DUSP8: variants seen among roughly 807,000 people sequenced by gnomAD.
DUSP8 encodes the protein dual specificity phosphatase 8.
A neutral mutation model predicts 38.7 loss-of-function variants in DUSP8; 15 were observed. The ratio of observed to expected loss-of-function variants is 0.39; its 90% confidence interval spans 0.26 to 0.60. DUSP8 has a LOEUF of 0.60. DUSP8 is among the 20% of genes least tolerant of loss of function. DUSP8 has a pLI of 0.56. For missense variants in DUSP8, 768 were observed against 915.0 expected, an observed-to-expected ratio of 0.84 and a Z score of 2.07; for synonymous variants, 458 against 433.9, an observed-to-expected ratio of 1.06 and a Z score of -0.69.
chr11:1,559,707 G>A (rs562141798), intron 3 of DUSP8, among the ~76,000 whole-genome samples: 86 of 152,354 alleles, frequency 5.6e-4, no homozygotes, highest in Non-Finnish European at 9.8e-4. Context: ...AGGGGAGGAC[G>A]GAGAGTGGAG....
Position 1,556,392 on chromosome 11 carries a change from A to C in DUSP8, c.*126T>G. The C allele has an allele frequency of 8.4e-7, 1 of 1,195,872 alleles. No homozygotes were observed. The highest frequency in any genetic ancestry group is 1.0e-6 in the Non-Finnish European group (1 of 956,148). 74.1% of individuals were successfully genotyped at this position (1,195,872 alleles called of 1,614,324 possible). On this transcript the variant is annotated 3_prime_UTR_variant, in exon 7 of 7. Transcript: ENST00000397374. This position sits in a 1 kb window ranked among gnomAD's most constrained non-coding sequence, Gnocchi z 5.2. ...CCAGAATGAACAGCTTAAATAAATA[A>C]AAAATCGAAATATTTACTTCTCGAT...
chr11:1,566,510 G>A (rs1167001823), intron 1 of DUSP8, among the ~76,000 whole-genome samples: 1 of 152,160 alleles, frequency 6.6e-6, no homozygotes, highest in East Asian at 1.9e-4. Context: ...ACTGGAGAGT[G>A]GGCTCCCGGG....
rs1340297061 is a variant in DUSP8 at position 1,556,452 on chromosome 11, A to G, written c.*66T>C. 2.4e-6 allele frequency: 3 copies of G among 1,230,268 alleles called. No individual in the cohort carries two copies. Among genetic ancestry groups the G allele is most frequent in the Non-Finnish European group, 3.0e-6 (3 of 986,838 alleles). 76.2% of individuals were successfully genotyped at this position (1,230,268 alleles called of 1,614,324 possible). A position where few individuals can be genotyped will look rare whatever the true frequency, so the allele number is the denominator to read the frequency against. On this transcript the variant is annotated 3_prime_UTR_variant, in exon 7 of 7. Transcript: ENST00000397374. This position sits in a 1 kb window ranked among gnomAD's most constrained non-coding sequence, Gnocchi z 5.2. Reference sequence around the variant, plus strand: ...AGTAAAACCATTTACCTTTCTTTGCATTATATATAATATACATTTATAACG... The same window carrying G: ...AGTAAAACCATTTACCTTTCTTTGCGTTATATATAATATACATTTATAACG...
rs758673098 is a variant in DUSP8, at chr11:1,565,622, G to T, written c.205C>A (p.Leu69Ile). The T allele has an allele frequency of 6.2e-7, 1 of 1,608,786 alleles. No individual in the cohort carries two copies. Among genetic ancestry groups the T allele is most frequent in the Admixed American group, 1.7e-5 (1 of 59,946 alleles). ...TGGCTGCGTGCAGCCGGCTGGATGA[G>T]CTCCGCAATGGTCACCTTGCCCTGC... Reference protein sequence around the residue: ...LQQGKVTIAELIQPAARSQVE... With the variant: ...LQQGKVTIAEIIQPAARSQVE... The change falls in exon 2 of 7, where the codon CTC becomes ATC. Residue 69 changes from leucine to isoleucine, a missense_variant. Coordinates refer to ENST00000397374, the MANE Select transcript of DUSP8 (RefSeq NM_004420.3).
chr11:1,556,433 A>G lies in DUSP8; in HGVS notation c.*85T>C. On this transcript the variant is annotated 3_prime_UTR_variant, in exon 7 of 7. Transcript: ENST00000397374. This position sits in a 1 kb window ranked among gnomAD's most constrained non-coding sequence, Gnocchi z 5.2. The stretch of plus-strand genomic sequence containing the variant: ...ACTTCTCGATAAAAATCCCAGTAAA[A>G]CCATTTACCTTTCTTTGCATTATAT... The G allele has an allele frequency of 8.1e-7, 1 of 1,228,380 alleles. No homozygotes were observed. The highest frequency in any genetic ancestry group is 1.0e-6 in the Non-Finnish European group (1 of 985,366). 76.1% of individuals were successfully genotyped at this position (1,228,380 alleles called of 1,614,324 possible). A position where few individuals can be genotyped will look rare whatever the true frequency, so the allele number is the denominator to read the frequency against.
At position 1,557,360 on chromosome 11, in the gene DUSP8, C is replaced by T; in HGVS notation, c.1036G>A (p.Ala346Thr). 6.4e-7 allele frequency: 1 copy of T among 1,560,046 alleles called. No homozygotes were observed. The highest frequency in any genetic ancestry group is 8.6e-7 in the Non-Finnish European group (1 of 1,165,118). ...GCGCTCAGGCCGCCCTCCCTGGCAG[C>T]CGCATTCCCTGTGGCAGCGCTCTCT... ...TSESAATGNA[A>T]AREGGLSAGG... The change falls in exon 7 of 7, where the codon GCT becomes ACT. Residue 346 changes from alanine to threonine, a missense_variant. Ala to Thr is a moderately conservative substitution (Grantham distance 58). This residue lies in a region of DUSP8 where 474 missense variants were observed against 430.8 expected (regional missense o/e 1.10). Transcript: ENST00000397374. This position sits in a 1 kb window ranked among gnomAD's most constrained non-coding sequence, Gnocchi z 9.9.
rs1024762659 is a variant in DUSP8, at chr11:1,572,234, G to A, written c.-442C>T. Among the ~76,000 whole-genome samples the A allele has an allele frequency of 4.8e-5, 7 of 147,088 alleles. No homozygotes were observed. The highest frequency in any genetic ancestry group is 6.7e-5 in the Admixed American group (1 of 14,834). The stretch of plus-strand genomic sequence containing the variant: ...CGTCCGGCGTCCGGCGGGGCGTCGT[G>A]GGGGGAGCCGGCTCGGCCGCCGCGC... On this transcript the variant is annotated 5_prime_UTR_variant, in exon 1 of 7. Coordinates refer to ENST00000397374, the MANE Select transcript of DUSP8 (RefSeq NM_004420.3). The surrounding 1 kb of genome is among the most constrained non-coding windows in gnomAD (Gnocchi z 4.7).
upstream of DUSP8, among the ~76,000 whole-genome samples, chr11:1,572,316 C>T (rs913906106): frequency 2.0e-5 from 3 of 149,632 alleles, no homozygotes; most frequent in African/African-American, 7.3e-5. The surrounding 1 kb of genome is among the most constrained non-coding windows in gnomAD (Gnocchi z 4.7). Flanking sequence ...GGGATGAGGT[C>T]ATGCCGAGCG....
chr11:1,567,493 G>C (rs970374015), intron 1 of DUSP8, among the ~76,000 whole-genome samples: 2 of 152,218 alleles, frequency 1.3e-5, no homozygotes, highest in African/African-American at 4.8e-5. Context: ...ACACTGAGGG[G>C]CAGGTCCCAG....
At position 1,554,894 on chromosome 11, in the gene DUSP8, G is replaced by A. The variant is rs576139090; in HGVS notation, c.*1624C>T. ...TTTCTTGGGGGAACAGGAGTGGGTG[G>A]GGACAGAGGGAACGGGAACAGGACT... On this transcript the variant is annotated 3_prime_UTR_variant, in exon 7 of 7. Coordinates refer to ENST00000397374, the MANE Select transcript of DUSP8 (RefSeq NM_004420.3). 26 of 969,360 alleles carry A rather than the reference G, an allele frequency of 2.7e-5. No homozygotes were observed. In the East Asian group the frequency reaches 2.7e-3, roughly 102 times the overall value. 60.0% of individuals were successfully genotyped at this position (969,360 alleles called of 1,614,324 possible). A position where few individuals can be genotyped will look rare whatever the true frequency, so the allele number is the denominator to read the frequency against.
chr11:1,556,786 AC>A lies in DUSP8; in HGVS notation c.1609del (p.Val537CysfsTer127). ...SPEGAQGAGG[V>X]LFAPFGRAGA... ...CGCCCGGCCGAAGGGCGCAAACAGC[AC>A]CCCGCCCGCCCCCTGTGCGCCCTCG... On this transcript the variant is annotated frameshift_variant, in exon 7 of 7. Transcript: ENST00000397374. LOFTEE classifies it high-confidence loss of function. This position sits in a 1 kb window ranked among gnomAD's most constrained non-coding sequence, Gnocchi z 5.2. 1 of 1,181,650 alleles carries A rather than the reference AC, an allele frequency of 8.5e-7. No homozygotes were observed. The highest frequency in any genetic ancestry group is 1.0e-6 in the Non-Finnish European group (1 of 956,262). 73.2% of individuals were successfully genotyped at this position (1,181,650 alleles called of 1,614,324 possible). A position where few individuals can be genotyped will look rare whatever the true frequency, so the allele number is the denominator to read the frequency against.
chr11:1,560,808 C>T (rs976629399), intron 3 of DUSP8, among the ~76,000 whole-genome samples: 2 of 152,216 alleles, frequency 1.3e-5, no homozygotes, highest in Non-Finnish European at 2.9e-5. Flanking sequence ...GCCTCTCCTC[C>T]TCCCTGTGGC....
chr11:1,557,253 C>T lies in DUSP8; in HGVS notation c.1143G>A (p.Ser381=), dbSNP rs374530145. ...QQGLRGLHLS[S]DRLQDTNRLK... The stretch of plus-strand genomic sequence containing the variant: ...GGCGGTTAGTGTCCTGCAGGCGGTC[C>T]GAGGAGAGGTGCAGGCCGCGCAGGC... The change falls in exon 7 of 7, where the codon TCG becomes TCA. Residue 381 remains serine, a synonymous_variant. Coordinates refer to ENST00000397374, the MANE Select transcript of DUSP8 (RefSeq NM_004420.3). This position sits in a 1 kb window ranked among gnomAD's most constrained non-coding sequence, Gnocchi z 9.9. The T allele has an allele frequency of 4.7e-6, 7 of 1,492,730 alleles. No homozygotes were observed. In the South Asian group the frequency reaches 7.5e-5, roughly 16 times the overall value. The allele number at this position is 1,492,730 out of a possible 1,614,324, so 92.5% of individuals were successfully genotyped here. A position where few individuals can be genotyped will look rare whatever the true frequency, so the allele number is the denominator to read the frequency against.
Position 1,564,140 on chromosome 11 carries a change from G to A in DUSP8, c.232-151C>T, listed in dbSNP as rs1424670430. 8 of 952,100 alleles carry A rather than the reference G, an allele frequency of 8.4e-6. No homozygotes were observed. The African/African-American group carries it at 1.3e-4, about 16-fold the overall frequency. The allele number at this position is 952,100 out of a possible 1,614,324, so 59.0% of individuals were successfully genotyped here. A position where few individuals can be genotyped will look rare whatever the true frequency, so the allele number is the denominator to read the frequency against. On this transcript the variant is annotated intron_variant, in intron 2 of 6. Transcript: ENST00000397374. ...TTGCTGCCTGGAGGGGAGGGCAGGT[G>A]CAGTCACACACTCTCCTCCATCTGC...
intron 2 of DUSP8, among the ~76,000 whole-genome samples, 162 bp downstream of exon 2, chr11:1,565,434 G>A (rs1396908578): frequency 6.6e-6 from 1 of 152,168 alleles, no homozygotes; most frequent in African/African-American, 2.4e-5. Context: ...GCAGCGGTGA[G>A]AGGCAAGTGC....
rs1373315851 is a variant in DUSP8, at chr11:1,555,627, C to T, written c.*891G>A. 1 of 253,324 alleles carries T rather than the reference C, an allele frequency of 3.9e-6. No homozygotes were observed. The highest frequency in any genetic ancestry group is 6.5e-5 in the Admixed American group (1 of 15,392). The allele number at this position is 253,324 out of a possible 1,614,324, so 15.7% of individuals were successfully genotyped here. On this transcript the variant is annotated 3_prime_UTR_variant, in exon 7 of 7. Coordinates refer to ENST00000397374, the MANE Select transcript of DUSP8 (RefSeq NM_004420.3). The stretch of plus-strand genomic sequence containing the variant: ...TGACCCCCGGAGGCCAAGCTCCTCT[C>T]CTGCAATGGTGCCACCCTGCCCGGC...
chr11:1,555,403 C>T lies in DUSP8; in HGVS notation c.*1115G>A. The T allele has an allele frequency of 1.0e-6, 1 of 986,854 alleles. No homozygotes were observed. Among genetic ancestry groups the T allele is most frequent in the Non-Finnish European group, 1.2e-6 (1 of 830,056 alleles). 61.1% of individuals were successfully genotyped at this position (986,854 alleles called of 1,614,324 possible). A position where few individuals can be genotyped will look rare whatever the true frequency, so the allele number is the denominator to read the frequency against. Reference sequence around the variant, plus strand: ...AGGGGCTTGGCTGGCGCCTGAACTCCCTGTGTGAGCAGCACCTGCTCACAG... The same window carrying T: ...AGGGGCTTGGCTGGCGCCTGAACTCTCTGTGTGAGCAGCACCTGCTCACAG... On this transcript the variant is annotated 3_prime_UTR_variant, in exon 7 of 7. Coordinates refer to ENST00000397374, the MANE Select transcript of DUSP8 (RefSeq NM_004420.3).
chr11:1,567,148 C>G (rs147582040), intron 1 of DUSP8, among the ~76,000 whole-genome samples: 1 of 152,138 alleles, frequency 6.6e-6, no homozygotes, highest in African/African-American at 2.4e-5. Flanking sequence ...GCCCCCACAG[C>G]TGCCAGGCAG....
At chr11:1,571,259 C>A (rs1203283676) in intron 1 of DUSP8, 1 of 152,294 alleles carries the variant, frequency 6.6e-6, no homozygotes, top group African/African-American at 2.4e-5. Flanking sequence ...TGTGCCAGCC[C>A]CTCCCCCAGC....
Sources: allele counts gnomAD v4.1 joint callset (sites outside exome capture counted in the v4.1 genomes callset), GRCh38; gene constraint gnomAD v4.1.1; regional missense constraint gnomAD v4.1.1; non-coding constraint Gnocchi (gnomAD v3.1); transcripts MANE v1.5; gene names NCBI Gene and HGNC (gene_info 2026-07-23, HGNC 2026-07-21).